LRP1B: variants seen among roughly 807,000 people sequenced by gnomAD.
LRP1B encodes LDL receptor related protein 1B, also known as low-density lipoprotein receptor-related protein 1B.
A neutral mutation model predicts 556.6 loss-of-function variants in LRP1B; 217 were observed. The ratio of observed to expected loss-of-function variants is 0.39; its 90% CI spans 0.35 to 0.44. LRP1B has a LOEUF of 0.44. Among genes scored for constraint, LRP1B ranks in the 20% least tolerant of loss-of-function variants. The pLI, the probability that LRP1B is intolerant of heterozygous loss-of-function variation, is 1.00. For missense variants in LRP1B, 5,053 were observed against 5,620.8 expected (o/e 0.90, Z 3.23); for synonymous variants, 2,047 against 1,865.8 (o/e 1.10, Z -2.50).
At chr2:141,495,450 T>G (rs1430531770) in intron 2 of LRP1B, among the ~76,000 whole-genome samples, 2 of 152,148 alleles carry the variant, frequency 1.3e-5, no homozygotes, top group Admixed American at 6.6e-5. Context: ...AATCAGGCAC[T>G]GGGCAACAGA....
At chr2:140,417,900 T>G (rs139172727) in intron 66 of LRP1B, among the ~76,000 whole-genome samples, 1 of 152,268 alleles carries the variant, frequency 6.6e-6, no homozygotes, top group African/African-American at 2.4e-5. Flanking sequence ...CGCAGCTCTG[T>G]GAGGGGATAG....
At chr2:140,978,007 C>T (rs371792542) in intron 18 of LRP1B, among the ~76,000 whole-genome samples, 3 of 152,186 alleles carry the variant, frequency 2.0e-5, no homozygotes, top group Non-Finnish European at 4.4e-5. Context: ...ACTTTCAACA[C>T]AGGCTTCACA....
intron 43 of LRP1B, among the ~76,000 whole-genome samples, chr2:140,552,105 C>CT (rs1482009380): frequency 6.6e-6 from 1 of 152,022 alleles, no homozygotes; most frequent in African/African-American, 2.4e-5. Context: ...TAGAGAAACT[C>CT]TTTTTTGATT....
At chr2:141,861,849 G>C (rs190582917) in intron 1 of LRP1B, among the ~76,000 whole-genome samples, 348 of 152,030 alleles carry the variant, frequency 2.3e-3, no homozygotes, top group African/African-American at 8.1e-3. Context: ...AGAATTGCTT[G>C]AACTCGGGAG....
At chr2:140,831,219 C>G (rs6735646) in intron 31 of LRP1B, among the ~76,000 whole-genome samples, 118,591 of 151,994 alleles carry the variant, frequency 0.78, 47,543 homozygotes, top group Non-Finnish European at 0.88. Flanking sequence ...CCAAAACAAT[C>G]CTAAGCAAAT....
intron 2 of LRP1B, among the ~76,000 whole-genome samples, chr2:141,558,448 A>G (rs1686037536): frequency 6.6e-6 from 1 of 151,760 alleles, no homozygotes; most frequent in Non-Finnish European, 1.5e-5. Flanking sequence ...AAATCAAATC[A>G]CATTCAGTAC....
intron 2 of LRP1B, among the ~76,000 whole-genome samples, chr2:141,526,085 G>A (rs115914214): frequency 1.4e-3 from 208 of 152,064 alleles, no homozygotes; most frequent in African/African-American, 4.8e-3. Flanking sequence ...TTAGTGTGTG[G>A]TAAAGTTAGA....
At chr2:140,852,681 T>C (rs1284485510) in intron 27 of LRP1B, among the ~76,000 whole-genome samples, 1 of 152,190 alleles carries the variant, frequency 6.6e-6, no homozygotes, top group Admixed American at 6.5e-5. Context: ...TGGCTAAGGA[T>C]TGCTCCACAT....
chr2:141,843,038 G>A (rs1045093877), intron 1 of LRP1B, among the ~76,000 whole-genome samples: 3 of 151,998 alleles, frequency 2.0e-5, no homozygotes, highest in Non-Finnish European at 2.9e-5. Flanking sequence ...AACTGAGAGG[G>A]AAAATGAAAC....
chr2:140,846,877 T>A (rs1692289579), intron 29 of LRP1B, among the ~76,000 whole-genome samples: 1 of 152,202 alleles, frequency 6.6e-6, no homozygotes, highest in African/African-American at 2.4e-5. Context: ...GATGCTAAAC[T>A]GTCAAAAGTT....
intron 41 of LRP1B, among the ~76,000 whole-genome samples, chr2:140,651,497 T>A (rs1574194240): frequency 5.0e-5 from 5 of 100,668 alleles, no homozygotes; most frequent in Admixed American, 2.2e-4. Flanking sequence ...AAACTTAAAG[T>A]ATAATTAAAA....
At chr2:140,526,573 A>G (rs554965021) in intron 47 of LRP1B, among the ~76,000 whole-genome samples, 15 of 151,588 alleles carry the variant, frequency 9.9e-5, no homozygotes, top group Non-Finnish European at 1.5e-4. Flanking sequence ...GGTATTTAGC[A>G]TATTGCATTG....
chr2:140,256,664 T>G (rs1408799325), intron 86 of LRP1B, among the ~76,000 whole-genome samples: 3 of 151,388 alleles, frequency 2.0e-5, no homozygotes, highest in African/African-American at 7.3e-5. Flanking sequence ...AGATGGGGTT[T>G]CAGCATGTTG....
chr2:140,593,055 G>A (rs1030155019), intron 43 of LRP1B, among the ~76,000 whole-genome samples: 1 of 152,008 alleles, frequency 6.6e-6, no homozygotes, highest in African/African-American at 2.4e-5. Context: ...ATTAAAACTA[G>A]TTTATTTATT....
chr2:141,286,601 T>A (rs867202118), intron 3 of LRP1B, among the ~76,000 whole-genome samples: 2 of 152,216 alleles, frequency 1.3e-5, no homozygotes, highest in Non-Finnish European at 2.9e-5. Flanking sequence ...AGTTTTCTTT[T>A]TGGGAAGATC....
chr2:140,315,032 C>T lies in LRP1B; in HGVS notation c.12708G>A (p.Arg4236=), dbSNP rs1469791299. The T allele has an allele frequency of 8.1e-6, 13 of 1,611,408 alleles. No individual in the cohort carries two copies. Among genetic ancestry groups the T allele is most frequent in the Admixed American group, 1.7e-5 (1 of 59,698 alleles). Residue 4236 remains arginine (R), a synonymous_variant, in exon 83 of 91, where the codon AGG becomes AGA. Coordinates refer to ENST00000389484, the MANE Select transcript of LRP1B (RefSeq NM_018557.3). ...CTGAATAACTGGGCCAACAGTGACA[C>T]CTCAAATCACCTTTCTCATTTAAAA... ...RCILNEKGDL[R]CHCWPSYSGE...
chr2:140,971,648 C>A (rs981450889), intron 18 of LRP1B, among the ~76,000 whole-genome samples: 4 of 152,112 alleles, frequency 2.6e-5, no homozygotes, highest in Non-Finnish European at 5.9e-5. Context: ...TCCTGGCTAA[C>A]ACGGTGAAAC....
chr2:140,837,435 C>G (rs1026336800), intron 31 of LRP1B, among the ~76,000 whole-genome samples: 1 of 152,028 alleles, frequency 6.6e-6, no homozygotes, highest in African/African-American at 2.4e-5. Flanking sequence ...CAGCCATATT[C>G]AATGCTGATT....
At chr2:140,977,030 C>T (rs1696621439) in intron 18 of LRP1B, among the ~76,000 whole-genome samples, 1 of 152,164 alleles carries the variant, frequency 6.6e-6, no homozygotes, top group Admixed American at 6.5e-5. Flanking sequence ...CAAAACATGT[C>T]ATTGTTTGAA....
Sources: allele counts gnomAD v4.1 joint callset (sites outside exome capture counted in the v4.1 genomes callset), GRCh38; gene constraint gnomAD v4.1.1; transcripts MANE v1.5; gene names NCBI Gene and HGNC (gene_info 2026-07-23, HGNC 2026-07-21).